The following MTMR8 variants were observed in gnomAD, a reference collection of about 807,000 sequenced individuals.
MTMR8 encodes phosphatidylinositol-3,5-bisphosphate 3-phosphatase MTMR8.
Under a neutral mutation model 39.3 loss-of-function variants are expected in MTMR8, and 65 were observed. That is an observed-to-expected ratio of 1.65 (90% CI 1.35 to 2.03). The LOEUF is 2.03. MTMR8 is among the 30% of genes most tolerant of loss of function. The pLI, the probability that MTMR8 is intolerant of heterozygous loss-of-function variation, is 0.00. For synonymous variants in MTMR8, 245 were observed against 185.2 expected (o/e 1.32, Z -2.62); for missense variants, 777 against 538.9 (o/e 1.44, Z -4.37).
chrX:64,329,757 G>A (rs939677330), intron 11 of MTMR8, among the ~76,000 whole-genome samples: 3 of 111,217 alleles, frequency 2.7e-5, no homozygotes, highest in African/African-American at 6.5e-5. Flanking sequence ...GAGCATTTCA[G>A]TGAGGCCAAA....
At chrX:64,316,163 C>G (rs1922460426) in intron 12 of MTMR8, among the ~76,000 whole-genome samples, 1 of 112,082 alleles carries the variant, frequency 8.9e-6, no homozygotes. Flanking sequence ...GATGAAAAGT[C>G]TATTGTATTT....
rs746470308 is a variant in MTMR8, at chrX:64,293,867, C to A, written c.1482-22794G>T. The stretch of plus-strand genomic sequence containing the variant: ...AAAGATGCTTTGATTCTGGTTGTAC[C>A]CCTGAGACTATCCCCTTTCCTTATT... On this transcript the variant is annotated intron_variant, in intron 12 of 13. Coordinates refer to ENST00000374852, the MANE Select transcript of MTMR8 (RefSeq NM_017677.4). Among the ~76,000 whole-genome samples, 350 of 111,455 alleles carry A rather than the reference C, an allele frequency of 3.1e-3. 2 individuals are homozygous for A. Among genetic ancestry groups the A allele is most frequent in the African/African-American group, 0.011 (328 of 30,733 alleles).
At chrX:64,359,575 A>G in intron 1 of MTMR8, 48 bp from the exon 2 acceptor site, 1 of 1,139,164 alleles carries the variant, frequency 8.8e-7, no homozygotes, top group Non-Finnish European at 1.2e-6. Flanking sequence ...CTCACCACCT[A>G]TGATTGAAGT....
chrX:64,337,220 G>A (rs371836583), intron 9 of MTMR8, 48 bp downstream of exon 9: 120 of 1,144,568 alleles, frequency 1.0e-4, no homozygotes, highest in Middle Eastern at 2.6e-4. Flanking sequence ...TTATTTTGTC[G>A]CAATCTGTCT....
At chrX:64,326,126 G>A (rs1414040431) in intron 12 of MTMR8, among the ~76,000 whole-genome samples, 4 of 111,176 alleles carry the variant, frequency 3.6e-5, no homozygotes, top group African/African-American at 6.5e-5. Context: ...TTAATTAAGG[G>A]GACATGGATC....
At chrX:64,295,793 A>G (rs5964352) in intron 12 of MTMR8, among the ~76,000 whole-genome samples, 1 of 111,946 alleles carries the variant, frequency 8.9e-6, no homozygotes, top group Non-Finnish European at 1.9e-5. Flanking sequence ...CTATCCAAAA[A>G]ATAAAAGGAA....
chrX:64,273,362 G>A lies in MTMR8; in HGVS notation c.1482-2289C>T, dbSNP rs770069093. On this transcript the variant is annotated intron_variant, in intron 12 of 13. Transcript: ENST00000374852. ...TAAGTTGTTACATGCTTAAGACAGAGTGTTAGACTGTTAGACATTTTATGT... is the reference window on the plus strand; with the variant it reads ...TAAGTTGTTACATGCTTAAGACAGAATGTTAGACTGTTAGACATTTTATGT... Among the ~76,000 whole-genome samples, 95 of 109,886 alleles carry A rather than the reference G, an allele frequency of 8.6e-4. 1 individual carries two copies. Among genetic ancestry groups the A allele is most frequent in the Non-Finnish European group, 1.6e-3 (84 of 52,618 alleles).
At position 64,269,011 on chromosome X, in the gene MTMR8, C is replaced by T. The variant is rs145287073; in HGVS notation, c.1641G>A (p.Glu547=). 7.3e-5 allele frequency: 88 copies of T among 1,209,732 alleles called. No individual in the cohort carries two copies. The highest frequency in any genetic ancestry group is 9.6e-5 in the Non-Finnish European group (86 of 895,073). ...TTCCTAATTGAGAGCAGGTACAGATCTCTTCTGGTGGCTCATCACGGACTT... is the reference window on the plus strand; with the variant it reads ...TTCCTAATTGAGAGCAGGTACAGATTTCTTCTGGTGGCTCATCACGGACTT... ...KLKVRDEPPE[E]ICTCSQLGNI... The change falls in exon 14 of 14, where the codon GAG becomes GAA. Residue 547 remains glutamate (E), a synonymous_variant. Coordinates refer to ENST00000374852, the MANE Select transcript of MTMR8 (RefSeq NM_017677.4).
intron 12 of MTMR8, among the ~76,000 whole-genome samples, chrX:64,293,072 G>A (rs932467773): frequency 3.6e-5 from 4 of 111,056 alleles, no homozygotes; most frequent in Middle Eastern, 4.7e-3. Context: ...TGCTGAAGTG[G>A]GTTTATCAGG....
intron 12 of MTMR8, among the ~76,000 whole-genome samples, chrX:64,316,405 G>C (rs1404595791): frequency 8.9e-6 from 1 of 111,956 alleles, no homozygotes; most frequent in Non-Finnish European, 1.9e-5. Context: ...CCAGTACTTT[G>C]GGAGCCCAAG....
chrX:64,381,099 G>A (rs1924405558), intron 1 of MTMR8, among the ~76,000 whole-genome samples: 1 of 111,631 alleles, frequency 9.0e-6, no homozygotes, highest in African/African-American at 3.3e-5. Flanking sequence ...TAATCCTTTG[G>A]GCATATACCC....
chrX:64,321,311 C>T (rs549626677), intron 12 of MTMR8, among the ~76,000 whole-genome samples: 2 of 111,810 alleles, frequency 1.8e-5, no homozygotes, highest in South Asian at 7.4e-4. Flanking sequence ...TAAAGGAAAC[C>T]ATAGAAAAAT....
At chrX:64,302,701 C>G (rs372412086) in intron 12 of MTMR8, among the ~76,000 whole-genome samples, 1 of 112,235 alleles carries the variant, frequency 8.9e-6, no homozygotes, top group South Asian at 3.7e-4. Flanking sequence ...TAAATATAGC[C>G]CACATGAGTA....
chrX:64,381,184 T>C (rs1924407713), intron 1 of MTMR8, among the ~76,000 whole-genome samples: 1 of 111,988 alleles, frequency 8.9e-6, no homozygotes, highest in Non-Finnish European at 1.9e-5. Flanking sequence ...AATTCCACAA[T>C]GGTTGAATTA....
intron 12 of MTMR8, among the ~76,000 whole-genome samples, chrX:64,322,274 G>C (rs1922671434): frequency 9.0e-6 from 1 of 111,015 alleles, no homozygotes; most frequent in Admixed American, 9.6e-5. Flanking sequence ...TGGGATTACA[G>C]GTGTGAGCCA....
intron 1 of MTMR8, among the ~76,000 whole-genome samples, chrX:64,368,900 A>G (rs755024235): frequency 1.8e-5 from 2 of 112,539 alleles, no homozygotes; most frequent in Admixed American, 1.9e-4. Context: ...AAATAATTTA[A>G]ACAAAATTAC....
intron 1 of MTMR8, among the ~76,000 whole-genome samples, chrX:64,379,511 G>A (rs1022787913): frequency 8.1e-5 from 9 of 111,425 alleles, no homozygotes; most frequent in African/African-American, 2.6e-4. Flanking sequence ...CAGCAGAACC[G>A]ATTCCTTCTC....
chrX:64,272,672 A>G (rs1376905460), intron 12 of MTMR8, among the ~76,000 whole-genome samples: 16 of 111,000 alleles, frequency 1.4e-4, no homozygotes, highest in Non-Finnish European at 1.7e-4. Flanking sequence ...AGATCTAGGA[A>G]GCCAAAATGA....
chrX:64,281,608 A>G (rs1932015626), intron 12 of MTMR8, among the ~76,000 whole-genome samples: 1 of 112,056 alleles, frequency 8.9e-6, no homozygotes, highest in Non-Finnish European at 1.9e-5. Context: ...ATAGAAGAAA[A>G]TCTAGGCAAT....
Sources: allele counts gnomAD v4.1 joint callset (sites outside exome capture counted in the v4.1 genomes callset), GRCh38; gene constraint gnomAD v4.1.1; transcripts MANE v1.5; gene names NCBI Gene and HGNC (gene_info 2026-07-23, HGNC 2026-07-21).